ZBED6: variants seen among roughly 807,000 people sequenced by gnomAD.
The protein encoded by ZBED6 is zinc finger BED domain-containing protein 6.
A neutral mutation model predicts 58.4 loss-of-function variants in ZBED6; 40 were observed. The ratio of observed to expected loss-of-function variants is 0.68; its 90% CI spans 0.53 to 0.89. The LOEUF (loss-of-function observed/expected upper bound fraction) is 0.89, where lower values mean the gene tolerates loss of function less well. Ranked by LOEUF, ZBED6 falls within the 40% of genes least tolerant of loss-of-function variation. The pLI, the probability that ZBED6 is intolerant of heterozygous loss-of-function variation, is 0.00. For missense variants in ZBED6, 1,057 were observed against 1,003.9 expected (o/e 1.05, Z -0.71); for synonymous variants, 439 against 350.6 (o/e 1.25, Z -2.82).
chr1:203,798,566 T>A, exon 1 of ZBED6: 1 of 1,536,114 alleles, frequency 6.5e-7, no homozygotes, highest in Non-Finnish European at 8.7e-7. Flanking sequence ...ATACCTTGCA[T>A]GGAGAAAAGT....
In ZBED6 at chr1:203,817,135, A is replaced by G; in HGVS notation, c.*2753+11A>G. Reference sequence around the variant, plus strand: ...TCCACATGTACCAAAGTAAGAATTGACATCTTTAAATCAGTTCTTTCTACA... The same window carrying G: ...TCCACATGTACCAAAGTAAGAATTGGCATCTTTAAATCAGTTCTTTCTACA... On this transcript the variant is annotated intron_variant, in intron 2 of 16. Transcript: ENST00000550078. The G allele has an allele frequency of 6.2e-7, 1 of 1,601,650 alleles. No homozygotes were observed. The highest frequency in any genetic ancestry group is 8.5e-7 in the Non-Finnish European group (1 of 1,173,112).
At chr1:203,810,483 G>C (rs1237489755) in intron 1 of ZBED6, among the ~76,000 whole-genome samples, 1 of 149,376 alleles carries the variant, frequency 6.7e-6, no homozygotes, top group Non-Finnish European at 1.5e-5. Flanking sequence ...GCAGTGGCGC[G>C]ATCTCAGCTC....
chr1:203,799,834 A>G (rs988752544), exon 1 of ZBED6: 1 of 1,506,840 alleles, frequency 6.6e-7, no homozygotes, highest in African/African-American at 1.4e-5. Context: ...ACTTTGTTAG[A>G]TCCTTGCTTT....
intron 6 of ZBED6, 103 bp downstream of exon 6, chr1:203,829,999 G>A (rs1393430795): frequency 3.2e-5 from 42 of 1,314,072 alleles, no homozygotes; most frequent in African/African-American, 5.9e-5. Context: ...CATGCTACAC[G>A]CATACTTACC....
chr1:203,833,456 A>G (rs183141005), intron 8 of ZBED6, among the ~76,000 whole-genome samples: 1 of 151,132 alleles, frequency 6.6e-6, no homozygotes, highest in African/African-American at 2.4e-5. Flanking sequence ...GCTTGAACCC[A>G]GGAGGTGGAA....
chr1:203,827,203 A>G (rs1680806307), intron 3 of ZBED6, among the ~76,000 whole-genome samples: 1 of 152,132 alleles, frequency 6.6e-6, no homozygotes, highest in Non-Finnish European at 1.5e-5. Context: ...TGATGTACAC[A>G]TGGGTTTGCA....
At chr1:203,837,849 GC>G (rs1242697942) in intron 9 of ZBED6, 116 bp from the exon 10 acceptor site, 1 of 909,244 alleles carries the variant, frequency 1.1e-6, no homozygotes, top group East Asian at 2.5e-5. Context: ...GAACAAACAC[GC>G]CATATGTATG....
intron 1 of ZBED6, among the ~76,000 whole-genome samples, chr1:203,806,831 T>C (rs1396444764): frequency 5.3e-4 from 1 of 1,870 alleles, no homozygotes; most frequent in African/African-American, 1.6e-3. Flanking sequence ...CTCAGGTTCC[T>C]TTTTTTTTTT....
At chr1:203,803,668 T>C (rs1003775235) in intron 1 of ZBED6, among the ~76,000 whole-genome samples, 3 of 152,184 alleles carry the variant, frequency 2.0e-5, no homozygotes, top group Non-Finnish European at 4.4e-5. Flanking sequence ...TGCAGTGGCA[T>C]GATCATAGCT....
At chr1:203,807,270 T>G (rs1268340446) in intron 1 of ZBED6, among the ~76,000 whole-genome samples, 1 of 152,176 alleles carries the variant, frequency 6.6e-6, no homozygotes, top group African/African-American at 2.4e-5. Context: ...AGCAGCTGTT[T>G]TAAACATTTT....
chr1:203,802,240 A>G (rs1368985899), exon 1 of ZBED6: 1 of 152,618 alleles, frequency 6.6e-6, no homozygotes, highest in African/African-American at 2.4e-5. Flanking sequence ...ACATAATGAT[A>G]TATGTGTAAG....
At position 203,823,434 on chromosome 1, in the gene ZBED6, A is replaced by G. The variant is rs554540853; in HGVS notation, c.*2873+4745A>G. On this transcript the variant is annotated intron_variant, in intron 3 of 16. Transcript: ENST00000550078. ...GGATTTTCATTGGTGCTAGCCATAT[A>G]AGCACTCTTTACCAAACATGTACCC... Among the ~76,000 whole-genome samples, 9 of 152,378 alleles carry G rather than the reference A, an allele frequency of 5.9e-5. No homozygotes were observed. The East Asian group carries it at 1.7e-3, about 29-fold the overall frequency.
intron 3 of ZBED6, among the ~76,000 whole-genome samples, chr1:203,819,231 T>C (rs1384254242): frequency 1.3e-5 from 2 of 150,784 alleles, no homozygotes; most frequent in Non-Finnish European, 3.0e-5. Flanking sequence ...TTTTTATTTT[T>C]TTTTTTTTGA....
chr1:203,847,101 T>A, intron 11 of ZBED6, 83 bp from the exon 12 acceptor site: 1 of 1,465,562 alleles, frequency 6.8e-7, no homozygotes, highest in Non-Finnish European at 9.4e-7. Flanking sequence ...TGTTGGACTG[T>A]CTTGATCCAA....
exon 14 of ZBED6, chr1:203,849,893 A>G (rs1285783242): frequency 6.2e-7 from 1 of 1,614,192 alleles, no homozygotes; most frequent in Non-Finnish European, 8.5e-7. Context: ...CTGCTGTGCC[A>G]GGAATCACAC....
At chr1:203,833,813 G>C in exon 9 of ZBED6, 1 of 1,609,504 alleles carries the variant, frequency 6.2e-7, no homozygotes, top group South Asian at 1.1e-5. Flanking sequence ...TGGTTAGATT[G>C]AGTCTTACTG....
chr1:203,835,655 G>T, intron 9 of ZBED6: 1 of 220,846 alleles, frequency 4.5e-6, no homozygotes, highest in South Asian at 1.0e-4. Flanking sequence ...TTTGGAATTT[G>T]GCATGAACCA....
exon 15 of ZBED6, chr1:203,850,550 A>G: frequency 6.2e-7 from 1 of 1,613,964 alleles, no homozygotes; most frequent in Non-Finnish European, 8.5e-7. Context: ...ATCTGTGGTT[A>G]AAGTTGTGTC....
chr1:203,837,795 C>G (rs1311619567), intron 9 of ZBED6, among the ~76,000 whole-genome samples, 171 bp from the exon 10 acceptor site: 2 of 152,142 alleles, frequency 1.3e-5, no homozygotes, highest in Admixed American at 1.3e-4. Context: ...CCTCTTTTCT[C>G]CGACATTTTT....
Sources: gnomAD v4.1 joint callset for allele counts (sites outside exome capture counted in the v4.1 genomes callset) on GRCh38, gnomAD v4.1.1 for gene constraint, MANE v1.5 for transcripts, NCBI Gene and HGNC (gene_info 2026-07-23, HGNC 2026-07-21) for gene names.